FSTL5: variants seen among roughly 807,000 people sequenced by gnomAD.
FSTL5 encodes the protein follistatin-related protein 5.
In FSTL5, 62 loss-of-function variants were observed where a neutral mutation model predicts 89.1. That is an observed-to-expected ratio of 0.70 (90% CI 0.57 to 0.86). The LOEUF is 0.86. Among genes scored for constraint, FSTL5 ranks in the 40% least tolerant of loss-of-function variants. The pLI, the probability that FSTL5 is intolerant of heterozygous loss-of-function variation, is 0.00. For missense variants in FSTL5, 1,057 were observed against 1,001.6 expected (o/e 1.06, Z -0.75); for synonymous variants, 383 against 346.2 (o/e 1.11, Z -1.18).
rs141901190 is a variant in FSTL5 at position 161,928,626 on chromosome 4, T to A, written c.161-7974A>T. On this transcript the variant is annotated intron_variant, in intron 3 of 15. Transcript: ENST00000306100. The stretch of plus-strand genomic sequence containing the variant: ...TTTTTACCATTCAATTAGGTAGTTG[T>A]GGTATCTTGAAGTTTTAATTTGCAA... Among the ~76,000 whole-genome samples, 275 of 151,884 alleles carry A rather than the reference T, an allele frequency of 1.8e-3. 6 individuals are homozygous for A. In the South Asian group the frequency reaches 0.052, roughly 28 times the overall value.
At chr4:161,505,690 CAT>C (rs34816213) in intron 11 of FSTL5, among the ~76,000 whole-genome samples, 2,583 of 151,994 alleles carry the variant, frequency 0.017, 67 homozygotes, top group African/African-American at 0.058. Context: ...TATGCACACA[CAT>C]ATGTGTATCA....
chr4:161,977,639 A>AAAATAATAAT (rs1553988132), intron 3 of FSTL5, among the ~76,000 whole-genome samples: 1 of 101,222 alleles, frequency 9.9e-6, no homozygotes, highest in African/African-American at 4.1e-5. Context: ...AAAAAAAAAA[A>AAAATAATAAT]AATAATAATA....
Position 161,887,449 on chromosome 4 carries a change from A to ATC in FSTL5, c.409+32954_409+32955insGA, listed in dbSNP as rs1560900234. 4.9e-3 allele frequency among the ~76,000 whole-genome samples: 706 copies of ATC among 144,970 alleles called. 3 individuals are homozygous for ATC. Among genetic ancestry groups the ATC allele is most frequent in the African/African-American group, 0.018 (686 of 37,390 alleles). Reference sequence around the variant, plus strand: ...TATCATCTATCTACCTATCATCTATAATCTATCAGTCTATCTGTCTGTTTT... The same window carrying ATC: ...TATCATCTATCTACCTATCATCTATATCATCTATCAGTCTATCTGTCTGTTTT... On this transcript the variant is annotated intron_variant, in intron 4 of 15. Coordinates refer to ENST00000306100, the MANE Select transcript of FSTL5 (RefSeq NM_020116.5).
chr4:161,636,126 T>C (rs1250340345), intron 7 of FSTL5, among the ~76,000 whole-genome samples: 2 of 151,504 alleles, frequency 1.3e-5, no homozygotes, highest in Non-Finnish European at 2.9e-5. Context: ...AAAGGTAAAA[T>C]TGAATTTCAT....
At chr4:161,959,718 A>G (rs1334410866) in intron 3 of FSTL5, among the ~76,000 whole-genome samples, 1 of 152,146 alleles carries the variant, frequency 6.6e-6, no homozygotes. Flanking sequence ...TGTGTTAATA[A>G]TGTTTCTGCT....
At chr4:161,825,373 C>T (rs1730636485) in intron 4 of FSTL5, among the ~76,000 whole-genome samples, 1 of 151,942 alleles carries the variant, frequency 6.6e-6, no homozygotes, top group Admixed American at 6.6e-5. Context: ...ATGTCCTTTC[C>T]TGGTTTTGGT....
At chr4:161,568,952 TAAAG>T (rs1732911400) in intron 8 of FSTL5, among the ~76,000 whole-genome samples, 1 of 152,214 alleles carries the variant, frequency 6.6e-6, no homozygotes, top group Admixed American at 6.6e-5. Flanking sequence ...TAACTTTCTA[TAAAG>T]AGAGGCTTGT....
intron 4 of FSTL5, among the ~76,000 whole-genome samples, chr4:161,783,752 C>A (rs1741780710): frequency 9.4e-6 from 1 of 106,134 alleles, no homozygotes; most frequent in African/African-American, 3.7e-5. Context: ...TTCTTTCTTT[C>A]TTTCTTTCCT....
intron 4 of FSTL5, among the ~76,000 whole-genome samples, chr4:161,808,008 A>G (rs1444098045): frequency 3.9e-5 from 6 of 152,212 alleles, no homozygotes; most frequent in Non-Finnish European, 8.8e-5. Context: ...GTTACTGAGT[A>G]GAAGAAAAGG....
intron 7 of FSTL5, among the ~76,000 whole-genome samples, chr4:161,619,621 A>C (rs934467842): frequency 6.6e-6 from 1 of 152,236 alleles, no homozygotes; most frequent in African/African-American, 2.4e-5. Context: ...GAGAACTGCA[A>C]ATCAAAACCA....
chr4:162,117,642 A>G (rs1010487142), intron 1 of FSTL5, among the ~76,000 whole-genome samples: 21 of 152,182 alleles, frequency 1.4e-4, no homozygotes, highest in Non-Finnish European at 2.6e-4. Context: ...TTGGAAAAAT[A>G]AGAGATGAAA....
At chr4:161,869,823 CA>C (rs1732206591) in intron 4 of FSTL5, among the ~76,000 whole-genome samples, 1 of 152,144 alleles carries the variant, frequency 6.6e-6, no homozygotes, top group Non-Finnish European at 1.5e-5. Context: ...GGTATTTGTC[CA>C]GGGTGTATGT....
chr4:161,666,526 A>C (rs748820420), intron 6 of FSTL5, among the ~76,000 whole-genome samples: 1 of 152,162 alleles, frequency 6.6e-6, no homozygotes, highest in African/African-American at 2.4e-5. Flanking sequence ...CCAAGGACCA[A>C]GTTAGCCATA....
intron 4 of FSTL5, among the ~76,000 whole-genome samples, chr4:161,814,467 A>G (rs1730264714): frequency 6.6e-6 from 1 of 152,154 alleles, no homozygotes; most frequent in South Asian, 2.1e-4. Flanking sequence ...TTACATTGGC[A>G]TTATTTATTT....
rs552363714 is a variant in FSTL5 at position 161,971,020 on chromosome 4, T to A, written c.161-50368A>T. On this transcript the variant is annotated intron_variant, in intron 3 of 15. Transcript: ENST00000306100. ...TCATCATTAAGGAATTACTTTTTCA[T>A]CTGGGTATATAAATTATTTTATTAG... Among the ~76,000 whole-genome samples, 8 of 150,522 alleles carry A rather than the reference T, an allele frequency of 5.3e-5. No individual in the cohort carries two copies. The East Asian group carries it at 1.6e-3, about 29-fold the overall frequency.
intron 4 of FSTL5, among the ~76,000 whole-genome samples, chr4:161,794,463 T>G (rs982350753): frequency 6.6e-6 from 1 of 152,188 alleles, no homozygotes; most frequent in African/African-American, 2.4e-5. Flanking sequence ...TTGTGCATAT[T>G]AAGGTAATTG....
chr4:161,856,682 A>G (rs1177661472), intron 4 of FSTL5, among the ~76,000 whole-genome samples: 1 of 151,264 alleles, frequency 6.6e-6, no homozygotes, highest in Admixed American at 6.6e-5. Flanking sequence ...ATATATAAAT[A>G]TGTATATATG....
intron 6 of FSTL5, among the ~76,000 whole-genome samples, chr4:161,704,138 TA>T (rs1738493357): frequency 2.0e-5 from 3 of 152,276 alleles, no homozygotes; most frequent in African/African-American, 7.2e-5. Flanking sequence ...GATAAATGCA[TA>T]TCTAATTGCC....
At position 162,144,678 on chromosome 4, in the gene FSTL5, C is replaced by CA. The variant is rs560335608; in HGVS notation, c.-17+18936dup. The stretch of plus-strand genomic sequence containing the variant: ...TTGATTAGACAAATATAATGATCCA[C>CA]AAAAAAGTGAATACATATTGCAGTA... On this transcript the variant is annotated intron_variant, in intron 1 of 15. Transcript: ENST00000306100. Among the ~76,000 whole-genome samples, 288 of 151,826 alleles carry CA rather than the reference C, an allele frequency of 1.9e-3. 1 individual carries two copies. The highest frequency in any genetic ancestry group is 6.6e-3 in the African/African-American group (273 of 41,428).
Sources: allele counts gnomAD v4.1 joint callset (sites outside exome capture counted in the v4.1 genomes callset), GRCh38; gene constraint gnomAD v4.1.1; transcripts MANE v1.5; gene names NCBI Gene and HGNC (gene_info 2026-07-23, HGNC 2026-07-21).